Variants in DCAF6 observed in about 807,000 individuals in gnomAD.
DCAF6 encodes the protein DDB1- and CUL4-associated factor 6.
In DCAF6, 54 loss-of-function variants were observed where a neutral mutation model predicts 125.1. The observed-to-expected ratio is 0.43, with a 90% CI of 0.35 to 0.54. The LOEUF (loss-of-function observed/expected upper bound fraction) is 0.54, where lower values mean the gene tolerates loss of function less well. DCAF6 is among the 20% of genes least tolerant of loss of function. DCAF6 has a pLI of 0.01. For missense variants in DCAF6, 934 were observed against 1,161.7 expected, an observed-to-expected ratio of 0.80 and a Z score of 2.85; for synonymous variants, 371 against 390.4, an observed-to-expected ratio of 0.95 and a Z score of 0.58.
At chr1:167,941,963 T>C (rs1035059437) in intron 1 of DCAF6, among the ~76,000 whole-genome samples, 4 of 152,242 alleles carry the variant, frequency 2.6e-5, no homozygotes, top group Non-Finnish European at 5.9e-5. Flanking sequence ...ATATGAGAGT[T>C]CCAATTGCTC....
At chr1:167,925,449 A>ATATCTATC in the DCAF6 span, among the ~76,000 whole-genome samples, 2 of 104,638 alleles carry the variant, frequency 1.9e-5, no homozygotes, top group African/African-American at 7.9e-5. Flanking sequence ...ACACATATAT[A>ATATCTATC]TATATATATA....
Position 167,936,745 on chromosome 1 carries a change from C to T in DCAF6, c.-167C>T. ...GAGCTCCGGCCCGGGTGCGGCCGGG[C>T]TTCAGGGGCCCAGGCGCCGCTGCTG... On this transcript the variant is annotated 5_prime_UTR_variant, in exon 1 of 22. Transcript: ENST00000367840. 1 of 618,736 alleles carries T rather than the reference C, an allele frequency of 1.6e-6. No individual in the cohort carries two copies. The highest frequency in any genetic ancestry group is 2.0e-5 in the South Asian group (1 of 50,390). The allele number at this position is 618,736 out of a possible 1,614,324, so 38.3% of individuals were successfully genotyped here. A position where few individuals can be genotyped will look rare whatever the true frequency, so the allele number is the denominator to read the frequency against.
intron 11 of DCAF6, among the ~76,000 whole-genome samples, chr1:168,022,677 G>A (rs1685814896): frequency 6.6e-6 from 1 of 152,148 alleles, no homozygotes; most frequent in Admixed American, 6.5e-5. Context: ...CTTGTGTAGT[G>A]AACTAGATAC....
chr1:167,994,422 T>G (rs953537899), intron 7 of DCAF6, among the ~76,000 whole-genome samples: 1 of 152,154 alleles, frequency 6.6e-6, no homozygotes, highest in Non-Finnish European at 1.5e-5. Flanking sequence ...GTATTACCAT[T>G]TACTCTTCAT....
chr1:167,940,716 A>C (rs1168942248), intron 1 of DCAF6, among the ~76,000 whole-genome samples: 1 of 152,196 alleles, frequency 6.6e-6, no homozygotes, highest in African/African-American at 2.4e-5. Flanking sequence ...TTATTTCAAT[A>C]CATTGCTTGT....
chr1:167,994,548 T>C (rs1238991762), intron 7 of DCAF6, among the ~76,000 whole-genome samples: 1 of 152,178 alleles, frequency 6.6e-6, no homozygotes, highest in Non-Finnish European at 1.5e-5. Flanking sequence ...GGGAAAAAGA[T>C]AAGTTAAAGT....
intron 4 of DCAF6, among the ~76,000 whole-genome samples, chr1:167,985,688 A>C (rs1400616026): frequency 3.9e-5 from 6 of 152,244 alleles, no homozygotes; most frequent in Non-Finnish European, 7.3e-5. Context: ...TTGGGCTACT[A>C]TTATTCTGCT....
chr1:168,002,083 C>G (rs1398125640), intron 7 of DCAF6, among the ~76,000 whole-genome samples: 1 of 151,962 alleles, frequency 6.6e-6, no homozygotes, highest in African/African-American at 2.4e-5. Context: ...AATGATGGTT[C>G]CCATTGTTAA....
the DCAF6 span, chr1:167,893,997 C>T: frequency 8.0e-7 from 1 of 1,249,182 alleles, no homozygotes; most frequent in East Asian, 2.3e-5. Context: ...CTCTGCAGTG[C>T]TAGTGAGAGG....
rs572382546 is a variant in DCAF6 at position 168,036,810 on chromosome 1, T to G, written c.1610-1561T>G. On this transcript the variant is annotated intron_variant, in intron 12 of 21. Coordinates refer to ENST00000367840, the MANE Select transcript of DCAF6 (RefSeq NM_001198956.2). ...TTTGACAGTTGGAATGGGTTATTAG[T>G]TTATTTCCAGGAGTTGTTTAAAAGA... 2.6e-5 allele frequency among the ~76,000 whole-genome samples: 4 copies of G among 152,338 alleles called. No homozygotes were observed. The East Asian group carries it at 7.7e-4, about 29-fold the overall frequency.
At chr1:167,995,414 T>A (rs1054444103) in intron 7 of DCAF6, among the ~76,000 whole-genome samples, 4 of 152,194 alleles carry the variant, frequency 2.6e-5, no homozygotes, top group Non-Finnish European at 4.4e-5. Flanking sequence ...GCGTAGTGGC[T>A]TACGCCTGTA....
At chr1:168,029,849 G>C (rs1321312870) in intron 12 of DCAF6, among the ~76,000 whole-genome samples, 1 of 151,958 alleles carries the variant, frequency 6.6e-6, no homozygotes, top group African/African-American at 2.4e-5. Context: ...CTGTGGTGGC[G>C]GGCACCTGTA....
At chr1:167,978,660 C>T (rs1385631360) in intron 4 of DCAF6, among the ~76,000 whole-genome samples, 1 of 151,916 alleles carries the variant, frequency 6.6e-6, no homozygotes, top group Admixed American at 6.6e-5. Context: ...TTTTCACTCT[C>T]CTAGTGGTGG....
intron 12 of DCAF6, among the ~76,000 whole-genome samples, chr1:168,028,196 A>G (rs1686592313): frequency 1.3e-5 from 2 of 152,072 alleles, no homozygotes; most frequent in African/African-American, 4.8e-5. Flanking sequence ...CTTCTGACAT[A>G]TATTTATTTT....
chr1:167,870,821 A>AC, the DCAF6 span, among the ~76,000 whole-genome samples: 29 of 151,862 alleles, frequency 1.9e-4, no homozygotes, highest in African/African-American at 6.5e-4. Context: ...AAAAAAAAAA[A>AC]AACTTGGAAT....
intron 11 of DCAF6, among the ~76,000 whole-genome samples, chr1:168,016,436 CT>C (rs1340198665): frequency 6.6e-6 from 1 of 151,934 alleles, no homozygotes; most frequent in East Asian, 1.9e-4. Flanking sequence ...AAATTATTTC[CT>C]TCTGTCATTA....
rs577536475 is a variant in DCAF6 at position 168,030,953 on chromosome 1, A to G, written c.1610-7418A>G. On this transcript the variant is annotated intron_variant, in intron 12 of 21. Coordinates refer to ENST00000367840, the MANE Select transcript of DCAF6 (RefSeq NM_001198956.2). Reference sequence around the variant, plus strand: ...TTAAATAGGTAGCCCTGGAAAAGGGATGAAGCATGGGCGGGGACGTGTAGG... The same window carrying G: ...TTAAATAGGTAGCCCTGGAAAAGGGGTGAAGCATGGGCGGGGACGTGTAGG... Among the ~76,000 whole-genome samples the G allele has an allele frequency of 3.3e-5, 5 of 152,340 alleles. No homozygotes were observed. In the South Asian group the frequency reaches 8.3e-4, roughly 25 times the overall value.
the DCAF6 span, chr1:167,875,149 C>T: frequency 6.2e-7 from 1 of 1,614,174 alleles, no homozygotes; most frequent in Non-Finnish European, 8.5e-7. Context: ...GGGTAATCCT[C>T]CTTTCTGTTG....
the DCAF6 span, among the ~76,000 whole-genome samples, chr1:167,880,854 G>C: frequency 6.6e-6 from 1 of 152,192 alleles, no homozygotes; most frequent in East Asian, 1.9e-4. Flanking sequence ...TGAGCTATCT[G>C]TGTGCATGCT....
Sources: allele counts gnomAD v4.1 joint callset (sites outside exome capture counted in the v4.1 genomes callset), GRCh38; gene constraint gnomAD v4.1.1; transcripts MANE v1.5; gene names NCBI Gene and HGNC (gene_info 2026-07-23, HGNC 2026-07-21).